Variants in PARP12 observed in about 807,000 individuals in gnomAD.
The protein encoded by PARP12 is protein mono-ADP-ribosyltransferase PARP12.
PARP12 carries 59 observed loss-of-function variants against 72.4 expected under a neutral mutation model. The observed-to-expected ratio is 0.81, with a 90% CI of 0.66 to 1.01. The LOEUF is 1.01. Ranked by LOEUF, PARP12 falls within the 50% of genes least tolerant of loss-of-function variation. The pLI is 0.00. For missense variants in PARP12, 851 were observed against 914.0 expected (o/e 0.93, Z 0.89); for synonymous variants, 403 against 371.4 (o/e 1.09, Z -0.98).
At chr7:140,031,240 G>A (rs1569526604) in intron 8 of PARP12, among the ~76,000 whole-genome samples, 2 of 152,072 alleles carry the variant, frequency 1.3e-5, no homozygotes, top group South Asian at 4.1e-4. Context: ...GGGCATGGTG[G>A]CGCATGCCTG....
chr7:140,047,055 T>A lies in PARP12; in HGVS notation c.863-48A>T, dbSNP rs375568131. On this transcript the variant is annotated intron_variant, in intron 4 of 11. Coordinates refer to ENST00000263549, the MANE Select transcript of PARP12 (RefSeq NM_022750.4). ...TAAGATAGCTGGGCAATACACAGCA[T>A]GCCCTAGCCTTGTGGTTGTCAACAG... The A allele has an allele frequency of 5.1e-6, 8 of 1,559,298 alleles. No individual in the cohort carries two copies. In the African/African-American group the frequency reaches 5.4e-5, roughly 11 times the overall value.
chr7:140,059,462 G>A (rs996002245), intron 1 of PARP12, among the ~76,000 whole-genome samples: 1 of 150,914 alleles, frequency 6.6e-6, no homozygotes, highest in Non-Finnish European at 1.5e-5. Flanking sequence ...ATAAGCACCA[G>A]GGTGAGCCAG....
At chr7:140,056,593 G>A (rs1817188115) in intron 3 of PARP12, among the ~76,000 whole-genome samples, 1 of 152,130 alleles carries the variant, frequency 6.6e-6, no homozygotes, top group African/African-American at 2.4e-5. Context: ...TGCAGACTAG[G>A]CCCATCCAGA....
intron 4 of PARP12, among the ~76,000 whole-genome samples, chr7:140,049,641 C>T (rs1022541249): frequency 2.0e-5 from 3 of 152,212 alleles, no homozygotes; most frequent in Admixed American, 6.5e-5. Context: ...CAGGCTGATG[C>T]TTCCTCAGGA....
chr7:140,057,203 C>T, intron 2 of PARP12, 50 bp from the exon 3 acceptor site: 1 of 1,544,168 alleles, frequency 6.5e-7, no homozygotes, highest in Non-Finnish European at 8.8e-7. Flanking sequence ...TCTCACACGA[C>T]ACCACCTCCC....
chr7:140,027,437 C>A (rs760372269), intron 9 of PARP12, 31 bp from the exon 10 acceptor site: 1 of 1,610,424 alleles, frequency 6.2e-7, no homozygotes, highest in Non-Finnish European at 8.5e-7. Context: ...TAATGCATTA[C>A]CATCAACGTG....
chr7:140,032,885 G>A (rs1360623807), intron 8 of PARP12, among the ~76,000 whole-genome samples: 1 of 152,100 alleles, frequency 6.6e-6, no homozygotes, highest in Non-Finnish European at 1.5e-5. Context: ...GTCTACAGAG[G>A]ATACCATTTT....
intron 11 of PARP12, chr7:140,025,478 G>A (rs145452888): frequency 1.9e-5 from 8 of 418,928 alleles, no homozygotes; most frequent in Non-Finnish European, 3.4e-5. Context: ...TGGACTGCTG[G>A]GCAGAAAATG....
chr7:140,040,857 G>A (rs987366910), intron 6 of PARP12, among the ~76,000 whole-genome samples: 8 of 152,128 alleles, frequency 5.3e-5, no homozygotes, highest in Admixed American at 2.6e-4. Flanking sequence ...TCTGCCTCCC[G>A]GGTTCAAGTG....
At chr7:140,028,306 T>C (rs1047708823) in intron 9 of PARP12, among the ~76,000 whole-genome samples, 5 of 152,132 alleles carry the variant, frequency 3.3e-5, no homozygotes, top group African/African-American at 1.2e-4. Context: ...ATAAAATTGG[T>C]ATTTATTGGT....
chr7:140,058,434 C>G (rs1011687386), intron 1 of PARP12, among the ~76,000 whole-genome samples: 1 of 151,686 alleles, frequency 6.6e-6, no homozygotes, highest in African/African-American at 2.4e-5. Context: ...TGGCATGAAC[C>G]CGAGAGGCGG....
rs760789413 is a variant in PARP12, at chr7:140,034,328, A to G, written c.1328T>C (p.Phe443Ser). 1.2e-6 allele frequency: 2 copies of G among 1,608,950 alleles called. No individual in the cohort carries two copies. The highest frequency in any genetic ancestry group is 1.7e-6 in the Non-Finnish European group (2 of 1,177,082). ...GCCATAGACCAGGTTTTTCTGAACG[A>G]AGGCTGAAAAAAAACATAACCAGTG... ...KHNYELDFKA[F>S]VQKNLVYGTT... Residue 443 changes from phenylalanine to serine, a missense_variant, in exon 8 of 12, where the codon TTC becomes TCC. This residue lies in a region of PARP12 where 347 missense variants were observed against 396.1 expected (regional missense o/e 0.88). Coordinates refer to ENST00000263549, the MANE Select transcript of PARP12 (RefSeq NM_022750.4).
chr7:140,052,789 T>C lies in PARP12; in HGVS notation c.862+1873A>G, dbSNP rs1008574498. On this transcript the variant is annotated intron_variant, in intron 4 of 11. Coordinates refer to ENST00000263549, the MANE Select transcript of PARP12 (RefSeq NM_022750.4). ...GTGTGTAAAGCTGTTATATAAAAAA[T>C]AGGCAAAAGATTTGAGTAGATACTT... is the stretch of plus-strand genomic sequence containing the variant. 6.0e-5 allele frequency among the ~76,000 whole-genome samples: 9 copies of C among 149,550 alleles called. 1 individual carries two copies. Among genetic ancestry groups the C allele is most frequent in the Middle Eastern group, 3.2e-3 (1 of 312 alleles).
chr7:140,033,417 G>A (rs370835368), intron 8 of PARP12: 89 of 985,282 alleles, frequency 9.0e-5, no homozygotes, highest in East Asian at 2.3e-4. Flanking sequence ...CCTCTCAGGC[G>A]AACAGAAGGT....
Position 140,028,669 on chromosome 7 carries a change from G to T in PARP12, c.1441C>A (p.Pro481Thr), listed in dbSNP as rs202202734. ...TCCCAATAGTCTGGGATGCTCTTCG[G>T]GCCTGGAAACTTGGTATTGCTACAA... The part of the protein sequence containing the change: ...MQTCNTKFPG[P>T]KSIPDYWDSS... Residue 481 changes from proline to threonine, a missense_variant, in exon 9 of 12, where the codon CCG becomes ACG. Transcript: ENST00000263549. The T allele has an allele frequency of 1.1e-5, 17 of 1,604,360 alleles. No homozygotes were observed. In the African/African-American group the frequency reaches 2.1e-4, roughly 20 times the overall value.
intron 6 of PARP12, among the ~76,000 whole-genome samples, chr7:140,039,718 C>T (rs1044915142): frequency 2.0e-5 from 3 of 152,082 alleles, no homozygotes; most frequent in Admixed American, 6.6e-5. Flanking sequence ...AAAAAGAAAC[C>T]TAAATGTGGG....
chr7:140,032,458 T>G (rs747743054), intron 8 of PARP12, among the ~76,000 whole-genome samples: 10 of 152,084 alleles, frequency 6.6e-5, no homozygotes, highest in Non-Finnish European at 1.0e-4. Flanking sequence ...ATTATAGGTG[T>G]GCACCACCGC....
At position 140,025,612 on chromosome 7, in the gene PARP12, A is replaced by G. The variant is rs1449352550; in HGVS notation, c.1780+585T>C. Reference sequence around the variant, plus strand: ...AAATGGTGCAGAAAGAGAGAGGGAGAGAGAAAGAGAGAAGTGGCAGCATGT... The same window carrying G: ...AAATGGTGCAGAAAGAGAGAGGGAGGGAGAAAGAGAGAAGTGGCAGCATGT... On this transcript the variant is annotated intron_variant, in intron 11 of 11. Transcript: ENST00000263549. 12 of 451,518 alleles carry G rather than the reference A, an allele frequency of 2.7e-5. 1 individual carries two copies. Among genetic ancestry groups the G allele is most frequent in the South Asian group, 4.7e-5 (3 of 63,636 alleles). The allele number at this position is 451,518 out of a possible 1,614,324, so 28.0% of individuals were successfully genotyped here.
At chr7:140,061,030 G>A (rs953474054) in intron 1 of PARP12, among the ~76,000 whole-genome samples, 1 of 152,186 alleles carries the variant, frequency 6.6e-6, no homozygotes, top group Non-Finnish European at 1.5e-5. Flanking sequence ...AGAGACTGAA[G>A]AGTCGTCACC....
Sources: gnomAD v4.1 joint callset for allele counts (sites outside exome capture counted in the v4.1 genomes callset) on GRCh38, gnomAD v4.1.1 for gene constraint, gnomAD v4.1.1 regional missense constraint, MANE v1.5 for transcripts, NCBI Gene and HGNC (gene_info 2026-07-23, HGNC 2026-07-21) for gene names.